The following LHX4 variants were observed in gnomAD, a reference collection of about 807,000 sequenced individuals.
LHX4 encodes LIM homeobox 4.
Under a neutral mutation model 39.2 loss-of-function variants are expected in LHX4, and 16 were observed. The ratio of observed to expected loss-of-function variants is 0.41; its 90% CI spans 0.28 to 0.62. The LOEUF (loss-of-function observed/expected upper bound fraction) is 0.62. Among genes scored for constraint, LHX4 ranks in the 20% least tolerant of loss-of-function variants. The probability of loss-of-function intolerance (pLI) is 0.33; values close to 1 mark genes in which losing one functional copy is unlikely to be tolerated. For missense variants in LHX4, 439 were observed against 511.9 expected (o/e 0.86, Z 1.37); for synonymous variants, 206 against 198.1 (o/e 1.04, Z -0.33).
chr1:180,273,921 G>A (rs964818428), intron 5 of LHX4: 51 of 520,952 alleles, frequency 9.8e-5, no homozygotes, highest in Non-Finnish European at 1.7e-4. Context: ...GAGCCACAAG[G>A]GACCAACGAG....
chr1:180,244,825 G>A (rs1254903554), intron 1 of LHX4, among the ~76,000 whole-genome samples: 4 of 152,214 alleles, frequency 2.6e-5, no homozygotes, highest in African/African-American at 7.2e-5. Flanking sequence ...GCCCCCCTGG[G>A]AGTCCAGCTC....
chr1:180,246,849 CA>C (rs1647408511), intron 1 of LHX4, among the ~76,000 whole-genome samples: 1 of 152,152 alleles, frequency 6.6e-6, no homozygotes, highest in Non-Finnish European at 1.5e-5. Context: ...AGGATTTAAT[CA>C]ATTTATTATT....
upstream of LHX4, among the ~76,000 whole-genome samples, chr1:180,229,969 G>GGGGCGGGGGGGGC (rs1331926125): frequency 6.9e-6 from 1 of 145,124 alleles, no homozygotes; most frequent in Non-Finnish European, 1.5e-5. Context: ...CGGGGAGGGG[G>GGGGCGGGGGGGGC]GGGGGGTGCC....
intron 2 of LHX4, chr1:180,248,829 G>T (rs914756255): frequency 2.8e-5 from 9 of 327,006 alleles, no homozygotes; most frequent in South Asian, 2.1e-4. Context: ...GCATGTGGTT[G>T]TAACATTCCC....
Position 180,271,414 on chromosome 1 carries a change from C to G in LHX4, c.486C>G (p.Thr162=), listed in dbSNP as rs183432227. 3.7e-6 allele frequency: 6 copies of G among 1,614,050 alleles called. No homozygotes were observed. The highest frequency in any genetic ancestry group is 1.7e-5 in the Admixed American group (1 of 60,002). Reference sequence around the variant, plus strand: ...AGGCTGGAGCTAAGCGGCCCCGGACCACCATCACAGCCAAGCAGCTGGAGA... The same window carrying G: ...AGGCTGGAGCTAAGCGGCCCCGGACGACCATCACAGCCAAGCAGCTGGAGA... The part of the protein sequence containing the change: ...DSEAGAKRPR[T]TITAKQLETL... Residue 162 remains threonine (T), a synonymous_variant, in exon 4 of 6, where the codon ACC becomes ACG. Transcript: ENST00000263726.
At chr1:180,229,689 C>T (rs1204613372), upstream of LHX4, among the ~76,000 whole-genome samples, 1 of 151,882 alleles carries the variant, frequency 6.6e-6, no homozygotes, top group East Asian at 2.0e-4. Context: ...AAGCCGGGGA[C>T]CGAGAGCGCG....
chr1:180,244,135 G>A (rs565509325), intron 1 of LHX4, among the ~76,000 whole-genome samples: 47 of 152,332 alleles, frequency 3.1e-4, no homozygotes, highest in Admixed American at 7.8e-4. Context: ...AAGCCCTGAC[G>A]TGGCTCATAA....
At chr1:180,248,654 G>C (rs1310168340) in intron 2 of LHX4, 198 bp downstream of exon 2, 1 of 670,482 alleles carries the variant, frequency 1.5e-6, no homozygotes, top group Non-Finnish European at 2.7e-6. Context: ...CAGAGGTTCA[G>C]CCTCTAGACC....
chr1:180,259,941 G>A (rs1386578899), intron 2 of LHX4, among the ~76,000 whole-genome samples: 3 of 151,630 alleles, frequency 2.0e-5, no homozygotes, highest in Non-Finnish European at 2.9e-5. Flanking sequence ...AGGTCTGGGG[G>A]AGTGAGCGGT....
At chr1:180,263,072 C>T (rs1429433283) in intron 2 of LHX4, among the ~76,000 whole-genome samples, 4 of 152,118 alleles carry the variant, frequency 2.6e-5, no homozygotes, top group Admixed American at 1.3e-4. Flanking sequence ...CATGGGTGCC[C>T]GGTGATCGGT....
At chr1:180,244,554 G>T (rs1456861766) in intron 1 of LHX4, among the ~76,000 whole-genome samples, 1 of 152,170 alleles carries the variant, frequency 6.6e-6, no homozygotes, top group Non-Finnish European at 1.5e-5. Context: ...ATACTCATCA[G>T]ATTAAGGCTC....
intron 1 of LHX4, among the ~76,000 whole-genome samples, chr1:180,246,671 A>G (rs1012301303): frequency 6.6e-6 from 1 of 152,248 alleles, no homozygotes; most frequent in Non-Finnish European, 1.5e-5. Context: ...AGATTGTGCC[A>G]CTGCACTCCA....
At chr1:180,251,455 C>T (rs1647625772) in intron 2 of LHX4, among the ~76,000 whole-genome samples, 1 of 152,200 alleles carries the variant, frequency 6.6e-6, no homozygotes, top group South Asian at 2.1e-4. Flanking sequence ...CCCGGGTGAC[C>T]CAGCACAGAA....
At chr1:180,272,309 G>A (rs1648724176) in intron 5 of LHX4, among the ~76,000 whole-genome samples, 1 of 152,158 alleles carries the variant, frequency 6.6e-6, no homozygotes, top group Non-Finnish European at 1.5e-5. Flanking sequence ...ACACAGCTAT[G>A]AACAGATGAC....
Position 180,274,359 on chromosome 1 carries a change from C to G in LHX4, c.953C>G (p.Ser318Trp). The G allele has an allele frequency of 6.2e-7, 1 of 1,614,224 alleles. No individual in the cohort carries two copies. The highest frequency in any genetic ancestry group is 2.2e-5 in the East Asian group (1 of 44,874). The part of the protein sequence containing the change: ...YGIPQSPSSI[S>W]SLPSHAPLLN... ...ATCCCCCAGTCTCCATCCTCCATAT[C>G]GTCCCTGCCATCCCACGCTCCTTTG... Residue 318 changes from serine to tryptophan, a missense_variant, in exon 6 of 6, where the codon TCG (serine) becomes TGG (tryptophan). Coordinates refer to ENST00000263726, the MANE Select transcript of LHX4 (RefSeq NM_033343.4).
At chr1:180,258,964 A>G (rs2149260603) in intron 2 of LHX4, among the ~76,000 whole-genome samples, 1 of 152,208 alleles carries the variant, frequency 6.6e-6, no homozygotes, top group South Asian at 2.1e-4. Context: ...GGGAAGGGCT[A>G]TGGGAGGAGC....
rs75014986 is a variant in LHX4 at position 180,234,887 on chromosome 1, G to A, written c.76+4282G>A. On this transcript the variant is annotated intron_variant, in intron 1 of 5. Coordinates refer to ENST00000263726, the MANE Select transcript of LHX4 (RefSeq NM_033343.4). The surrounding 1 kb of genome is among the most constrained non-coding windows in gnomAD (Gnocchi z 4.8). ...ACCCACATGACCTCGCTACGACCGG[G>A]GCAGGGCTCCTCCGCCCCGCGGGCA... is the stretch of plus-strand genomic sequence containing the variant. 3.8e-3 allele frequency among the ~76,000 whole-genome samples: 573 copies of A among 152,344 alleles called. 21 individuals are homozygous for A. In the East Asian group the frequency reaches 0.09, roughly 24 times the overall value.
chr1:180,247,127 C>T (rs897521818), intron 1 of LHX4, among the ~76,000 whole-genome samples: 3 of 152,166 alleles, frequency 2.0e-5, no homozygotes, highest in Non-Finnish European at 2.9e-5. Flanking sequence ...ACTGTTTGTT[C>T]ATCCAACCAC....
Position 180,234,076 on chromosome 1 carries a change from AG to A in LHX4, c.76+3473del, listed in dbSNP as rs1664245323. ...GTGAGATGGATTCACTGTCCAAGAC[AG>A]GAGTTCACTCAAACGCTGGTGCTGT... On this transcript the variant is annotated intron_variant, in intron 1 of 5. Transcript: ENST00000263726. The surrounding 1 kb of genome is among the most constrained non-coding windows in gnomAD (Gnocchi z 4.8). 6.7e-6 allele frequency among the ~76,000 whole-genome samples: 1 copy of A among 149,210 alleles called. No individual in the cohort carries two copies. The highest frequency in any genetic ancestry group is 1.5e-5 in the Non-Finnish European group (1 of 67,324).
Sources: gnomAD v4.1 joint callset for allele counts (sites outside exome capture counted in the v4.1 genomes callset) on GRCh38, gnomAD v4.1.1 for gene constraint, Gnocchi (gnomAD v3.1) non-coding constraint, MANE v1.5 for transcripts, NCBI Gene and HGNC (gene_info 2026-07-23, HGNC 2026-07-21) for gene names.